Variants in SRD5A1 observed in about 807,000 individuals in gnomAD.
The protein encoded by SRD5A1 is steroid 5 alpha-reductase 1.
Under a neutral mutation model 28.2 loss-of-function variants are expected in SRD5A1, and 22 were observed. The ratio of observed to expected loss-of-function variants is 0.78; its 90% CI spans 0.56 to 1.12. SRD5A1 has a LOEUF of 1.12. SRD5A1 is among the 50% of genes most tolerant of loss of function. SRD5A1 has a pLI of 0.00. For synonymous variants in SRD5A1, 151 were observed against 135.0 expected, an observed-to-expected ratio of 1.12 and a Z score of -0.82; for missense variants, 300 against 346.7, an observed-to-expected ratio of 0.87 and a Z score of 1.07.
At chr5:6,667,094 A>G (rs1437907205) in intron 4 of SRD5A1, among the ~76,000 whole-genome samples, 1 of 152,210 alleles carries the variant, frequency 6.6e-6, no homozygotes, top group African/African-American at 2.4e-5. Context: ...ACCAGCGAAC[A>G]TGTTTGCAAT....
At chr5:6,663,563 TAAAG>T (rs1739074041) in intron 4 of SRD5A1, among the ~76,000 whole-genome samples, 1 of 152,024 alleles carries the variant, frequency 6.6e-6, no homozygotes, top group Non-Finnish European at 1.5e-5. Context: ...AACACACTCA[TAAAG>T]AAATCAAAGG....
chr5:6,658,840 A>C (rs1180981975), intron 3 of SRD5A1, among the ~76,000 whole-genome samples: 1 of 151,918 alleles, frequency 6.6e-6, no homozygotes, highest in Non-Finnish European at 1.5e-5. Context: ...GACTGGGTGC[A>C]GTGGCTCACA....
At chr5:6,649,870 G>A (rs1738621207) in intron 1 of SRD5A1, among the ~76,000 whole-genome samples, 1 of 151,818 alleles carries the variant, frequency 6.6e-6, no homozygotes, top group Non-Finnish European at 1.5e-5. Context: ...GACCGGAGCT[G>A]TTCCTATTCA....
chr5:6,653,498 C>T (rs1469294300), intron 2 of SRD5A1: 1 of 152,146 alleles, frequency 6.6e-6, no homozygotes, highest in Non-Finnish European at 1.5e-5. Context: ...TTATGCCTCC[C>T]CATGTTCTCT....
chr5:6,658,294 C>T (rs1738891496), intron 3 of SRD5A1, among the ~76,000 whole-genome samples: 1 of 152,108 alleles, frequency 6.6e-6, no homozygotes, highest in South Asian at 2.1e-4. Flanking sequence ...CACTGTATTC[C>T]AGCCTGGACG....
chr5:6,643,938 T>C (rs1037602845), intron 1 of SRD5A1, among the ~76,000 whole-genome samples: 4 of 152,192 alleles, frequency 2.6e-5, no homozygotes, highest in Non-Finnish European at 5.9e-5. Context: ...TATCCTCTAT[T>C]ATATTCTTTT....
chr5:6,641,747 T>G (rs575512473), intron 1 of SRD5A1, among the ~76,000 whole-genome samples: 1 of 152,222 alleles, frequency 6.6e-6, no homozygotes, highest in Non-Finnish European at 1.5e-5. Context: ...TATCCTGAGG[T>G]TCTTTGTGAA....
chr5:6,644,765 C>CCA, intron 1 of SRD5A1: 2 of 413,112 alleles, frequency 4.8e-6, no homozygotes, highest in Non-Finnish European at 9.7e-6. Context: ...TCCAAGAAGC[C>CCA]CACACGTACC....
At chr5:6,649,439 G>C (rs188301670) in intron 1 of SRD5A1, among the ~76,000 whole-genome samples, 7 of 152,290 alleles carry the variant, frequency 4.6e-5, no homozygotes, top group African/African-American at 1.7e-4. Flanking sequence ...AGCCTCAGCA[G>C]TGGTGGATGC....
chr5:6,640,552 G>A (rs1738329924), intron 1 of SRD5A1, among the ~76,000 whole-genome samples: 1 of 148,662 alleles, frequency 6.7e-6, no homozygotes, highest in Non-Finnish European at 1.5e-5. Context: ...TTTCAATTGA[G>A]ATGGGGTCTC....
intron 1 of SRD5A1, among the ~76,000 whole-genome samples, chr5:6,635,056 T>G (rs1427237230): frequency 6.6e-6 from 1 of 152,154 alleles, no homozygotes; most frequent in African/African-American, 2.4e-5. Flanking sequence ...CAGTGTGTGT[T>G]TATAAGCCTC....
Position 6,670,925 on chromosome 5 carries a change from G to A in SRD5A1, c.*2657G>A, listed in dbSNP as rs1204767706. ...TGTTGACTGATGGGCATTTGGGTTGGTTCCACGATTTTGCAGTTGTGAATT... is the reference window on the plus strand; with the variant it reads ...TGTTGACTGATGGGCATTTGGGTTGATTCCACGATTTTGCAGTTGTGAATT... On this transcript the variant is annotated 3_prime_UTR_variant, in exon 5 of 5. Transcript: ENST00000274192. The A allele has an allele frequency of 6.6e-6, 1 of 152,100 alleles. No individual in the cohort carries two copies. The highest frequency in any genetic ancestry group is 1.5e-5 in the Non-Finnish European group (1 of 68,024). The allele number at this position is 152,100 out of a possible 1,614,324, so 9.4% of individuals were successfully genotyped here.
intron 1 of SRD5A1, among the ~76,000 whole-genome samples, chr5:6,638,424 G>A (rs911775420): frequency 6.6e-6 from 1 of 152,250 alleles, no homozygotes; most frequent in Non-Finnish European, 1.5e-5. Context: ...TTTGTAAGAC[G>A]TGTTTGCACA....
At chr5:6,657,387 C>T (rs1257016517) in intron 3 of SRD5A1, among the ~76,000 whole-genome samples, 2 of 152,242 alleles carry the variant, frequency 1.3e-5, no homozygotes, top group African/African-American at 4.8e-5. Flanking sequence ...ACTGCACCCT[C>T]ATGGGGTCAT....
chr5:6,667,030 G>C (rs887382754), intron 4 of SRD5A1, among the ~76,000 whole-genome samples: 3 of 152,230 alleles, frequency 2.0e-5, no homozygotes, highest in Non-Finnish European at 4.4e-5. Context: ...TTCAGCACTT[G>C]CAAGTGCTGG....
chr5:6,640,342 T>C (rs947790912), intron 1 of SRD5A1, among the ~76,000 whole-genome samples: 3 of 152,206 alleles, frequency 2.0e-5, no homozygotes, highest in Admixed American at 2.0e-4. Flanking sequence ...TATCTAAGCT[T>C]GTAAACTTAA....
rs1739057044 is a variant in SRD5A1, at chr5:6,662,982, CTT to C, written c.713+19_713+20del. On this transcript the variant is annotated intron_variant, in intron 4 of 4. Coordinates refer to ENST00000274192, the MANE Select transcript of SRD5A1 (RefSeq NM_001047.4). Reference sequence around the variant, plus strand: ...AGCATCATGAGTAAGTTTTAAAACACTTTTACCATTTGTAATTTGTTCTTTGA... The same window carrying C: ...AGCATCATGAGTAAGTTTTAAAACACTTACCATTTGTAATTTGTTCTTTGA... 6.2e-7 allele frequency: 1 copy of C among 1,612,596 alleles called. No individual in the cohort carries two copies.
chr5:6,660,362 A>C (rs552345824), intron 3 of SRD5A1, among the ~76,000 whole-genome samples: 1 of 152,252 alleles, frequency 6.6e-6, no homozygotes, highest in African/African-American at 2.4e-5. Context: ...GGCGGCATGC[A>C]GGAAGGCATC....
chr5:6,647,560 A>G (rs1738542822), intron 1 of SRD5A1, among the ~76,000 whole-genome samples: 1 of 152,144 alleles, frequency 6.6e-6, no homozygotes, highest in African/African-American at 2.4e-5. Flanking sequence ...TTTTTGGTTT[A>G]AAATCTGTTT....
Sources: gnomAD v4.1 joint callset for allele counts (sites outside exome capture counted in the v4.1 genomes callset) on GRCh38, gnomAD v4.1.1 for gene constraint, MANE v1.5 for transcripts, NCBI Gene and HGNC (gene_info 2026-07-23, HGNC 2026-07-21) for gene names.